PDCD5: variants seen among roughly 807,000 people sequenced by gnomAD.
PDCD5 encodes programmed cell death 5.
In PDCD5, 23 loss-of-function variants were observed where a neutral mutation model predicts 21.9. The ratio of observed to expected loss-of-function variants is 1.05; its 90% confidence interval spans 0.76 to 1.49. PDCD5 has a LOEUF of 1.49. Among genes scored for constraint, PDCD5 ranks in the 40% most tolerant of loss-of-function variants. PDCD5 has a pLI of 0.00. For synonymous variants in PDCD5, 45 were observed against 49.4 expected (o/e 0.91, Z 0.37); for missense variants, 152 against 147.7 (o/e 1.03, Z -0.15).
chr19:32,587,110 G>T, intron 5 of PDCD5, 143 bp from the exon 6 acceptor site: 1 of 794,266 alleles, frequency 1.3e-6, no homozygotes, highest in South Asian at 1.8e-5. Context: ...ATAGGCTCTT[G>T]ACTCCATTCC....
chr19:32,586,172 C>G, intron 4 of PDCD5: 1 of 1,454,448 alleles, frequency 6.9e-7, no homozygotes, highest in Non-Finnish European at 9.0e-7. Context: ...TTCAATTGCC[C>G]CTGCACTGGA....
At position 32,582,193 on chromosome 19, in the gene PDCD5, A is replaced by G; in HGVS notation, c.67-2A>G. ...TATTAAATTTAAGTTTTTTTTTTCC[A>G]GGATCCTGGTGATGCGGCCCAACAG... On this transcript the variant is annotated splice_acceptor_variant, in intron 1 of 5. Transcript: ENST00000590247. LOFTEE classifies it high-confidence loss of function. 3 of 1,607,492 alleles carry G rather than the reference A, an allele frequency of 1.9e-6. No individual in the cohort carries two copies. The highest frequency in any genetic ancestry group is 2.2e-5 in the East Asian group (1 of 44,822).
intron 1 of PDCD5, among the ~76,000 whole-genome samples, chr19:32,581,964 T>A (rs2145237471): frequency 6.6e-6 from 1 of 152,254 alleles, no homozygotes; most frequent in African/African-American, 2.4e-5. Context: ...GGGATTCCCC[T>A]CCCCAGGGTG....
intron 5 of PDCD5, 157 bp downstream of exon 5, chr19:32,587,086 G>C (rs568908794): frequency 1.2e-6 from 1 of 818,958 alleles, no homozygotes; most frequent in Middle Eastern, 2.4e-4. Context: ...TGTTGGGGGA[G>C]GGTTCTAATT....
Position 32,581,218 on chromosome 19 carries a change from G to A in PDCD5, c.-44G>A, listed in dbSNP as rs766974454. ...GGTCAAGGCCGCGCTCGCGCCGAGG[G>A]GCTGCGAGAGTGACCGCGGCTGCTC... On this transcript the variant is annotated 5_prime_UTR_variant, in exon 1 of 6. Coordinates refer to ENST00000590247, the MANE Select transcript of PDCD5 (RefSeq NM_004708.4). The A allele has an allele frequency of 1.4e-5, 20 of 1,414,824 alleles. No homozygotes were observed. The South Asian group carries it at 2.3e-4, about 16-fold the overall frequency. 87.6% of individuals were successfully genotyped at this position (1,414,824 alleles called of 1,614,324 possible).
At chr19:32,582,102 G>A in intron 1 of PDCD5, 93 bp from the exon 2 acceptor site, 1 of 835,540 alleles carries the variant, frequency 1.2e-6, no homozygotes, top group Non-Finnish European at 2.0e-6. Flanking sequence ...ACCACCGCAA[G>A]AGACTGTTAT....
chr19:32,586,420 C>A (rs1319594381), intron 4 of PDCD5: 4 of 1,138,394 alleles, frequency 3.5e-6, no homozygotes, highest in South Asian at 2.5e-5. Flanking sequence ...ACCCCTCACA[C>A]TGAGAACTGC....
rs765847413 is a variant in PDCD5, at chr19:32,586,922, C to T, written c.323C>T (p.Thr108Ile). The T allele has an allele frequency of 2.2e-5, 36 of 1,610,506 alleles. No homozygotes were observed. In the South Asian group the frequency reaches 3.5e-4, roughly 16 times the overall value. Residue 108 changes from threonine to isoleucine, a missense_variant, in exon 5 of 6, where the codon ACA (threonine) becomes ATA (isoleucine). By Grantham distance (89) the Thr-to-Ile change is moderately conservative. Coordinates refer to ENST00000590247, the MANE Select transcript of PDCD5 (RefSeq NM_004708.4). ...KVSQQTEKTTTVKFNRRKVMD... is the reference protein window; with the variant it reads ...KVSQQTEKTTIVKFNRRKVMD... ...AGCCAACAAACAGAAAAGACAACAACAGTGAAAGTAAGTGTCCCCAGATGC... is the reference window on the plus strand; with the variant it reads ...AGCCAACAAACAGAAAAGACAACAATAGTGAAAGTAAGTGTCCCCAGATGC...
chr19:32,586,587 G>A (rs1971478957), intron 4 of PDCD5: 1 of 1,189,704 alleles, frequency 8.4e-7, no homozygotes, highest in African/African-American at 1.6e-5. Flanking sequence ...GATGATAAAG[G>A]TGTTCTTAAA....
chr19:32,586,045 C>A (rs575353959), intron 4 of PDCD5, 138 bp downstream of exon 4: 9 of 1,578,276 alleles, frequency 5.7e-6, no homozygotes, highest in Middle Eastern at 3.3e-4. Context: ...AATAGTCATA[C>A]CTACTTTAAA....
intron 1 of PDCD5, 137 bp from the exon 2 acceptor site, chr19:32,582,058 T>C (rs1971432371): frequency 1.5e-6 from 1 of 684,322 alleles, no homozygotes; most frequent in Non-Finnish European, 2.6e-6. Flanking sequence ...TTGATTTCTG[T>C]GAGGCCCAGT....
At chr19:32,584,206 T>C (rs1194674532) in intron 2 of PDCD5, among the ~76,000 whole-genome samples, 1 of 152,144 alleles carries the variant, frequency 6.6e-6, no homozygotes, top group East Asian at 1.9e-4. Flanking sequence ...GGAAATGAGC[T>C]TTAAGCCACA....
intron 2 of PDCD5, among the ~76,000 whole-genome samples, chr19:32,582,869 A>G (rs1031197012): frequency 6.6e-6 from 1 of 152,128 alleles, no homozygotes; most frequent in Non-Finnish European, 1.5e-5. Context: ...ATATTTATAG[A>G]GCACCTGCTC....
At chr19:32,586,534 A>T in intron 4 of PDCD5, 1 of 1,115,678 alleles carries the variant, frequency 9.0e-7, no homozygotes, top group Non-Finnish European at 1.1e-6. Flanking sequence ...TCTATTCCTG[A>T]CACCAAACAC....
In PDCD5 at chr19:32,581,313, C is replaced by T; in HGVS notation, c.52C>T (p.Gln18Ter). 6.6e-7 allele frequency: 1 copy of T among 1,522,430 alleles called. No homozygotes were observed. The highest frequency in any genetic ancestry group is 8.8e-7 in the Non-Finnish European group (1 of 1,139,164). 94.3% of individuals were successfully genotyped at this position (1,522,430 alleles called of 1,614,324 possible). A position where few individuals can be genotyped will look rare whatever the true frequency, so the allele number is the denominator to read the frequency against. ...GAGGAGACAGAGGCTGGCCGAGCTGCAGGCCAAACACGGGGTGAGCGCATC... is the reference window on the plus strand; with the variant it reads ...GAGGAGACAGAGGCTGGCCGAGCTGTAGGCCAAACACGGGGTGAGCGCATC... ...ALRRQRLAEL[Q>*]AKHGDPGDAA... Residue 18 changes from glutamine to a stop codon, truncating the protein, a stop_gained, in exon 1 of 6, where the codon CAG (glutamine) becomes TAG (stop). Transcript: ENST00000590247. LOFTEE classifies it high-confidence loss of function.
At chr19:32,582,463 G>A (rs780386947) in intron 2 of PDCD5, among the ~76,000 whole-genome samples, 3 of 152,174 alleles carry the variant, frequency 2.0e-5, no homozygotes, top group Non-Finnish European at 4.4e-5. Context: ...TACAATGTGA[G>A]TACCTTAAAA....
At chr19:32,583,625 G>A (rs1971450408) in intron 2 of PDCD5, among the ~76,000 whole-genome samples, 1 of 151,976 alleles carries the variant, frequency 6.6e-6, no homozygotes, top group African/African-American at 2.4e-5. Flanking sequence ...TAAAACTATG[G>A]TGTATCTTAG....
chr19:32,581,413 T>G, intron 1 of PDCD5, 86 bp downstream of exon 1: 1 of 883,968 alleles, frequency 1.1e-6, no homozygotes, highest in Non-Finnish European at 1.5e-6. Flanking sequence ...GGGCGGAGGC[T>G]CTGGGCGCCT....
At position 32,587,330 on chromosome 19, in the gene PDCD5, C is replaced by T. The variant is rs200907172; in HGVS notation, c.*30C>T. Reference sequence around the variant, plus strand: ...CAAGTGCTCACAGACTAGAACTTAACGGAACAAGTCTAGGACAGAAGTTAA... The same window carrying T: ...CAAGTGCTCACAGACTAGAACTTAATGGAACAAGTCTAGGACAGAAGTTAA... On this transcript the variant is annotated 3_prime_UTR_variant, in exon 6 of 6. Transcript: ENST00000590247. 2.7e-4 allele frequency: 403 copies of T among 1,480,458 alleles called. 1 individual carries two copies. The highest frequency in any genetic ancestry group is 3.5e-4 in the Non-Finnish European group (370 of 1,061,464). The allele number at this position is 1,480,458 out of a possible 1,614,324, so 91.7% of individuals were successfully genotyped here.
Sources: allele counts gnomAD v4.1 joint callset (sites outside exome capture counted in the v4.1 genomes callset), GRCh38; gene constraint gnomAD v4.1.1; transcripts MANE v1.5; gene names NCBI Gene and HGNC (gene_info 2026-07-23, HGNC 2026-07-21).